Variants in EDIL3 observed in about 807,000 individuals in gnomAD.
EDIL3 encodes EGF like and discoidin domains 3.
A neutral mutation model predicts 67.4 loss-of-function variants in EDIL3; 37 were observed. That is an observed-to-expected ratio of 0.55 (90% CI 0.42 to 0.72). EDIL3 has a LOEUF of 0.72. EDIL3 is among the 30% of genes least tolerant of loss of function. EDIL3 has a pLI of 0.00. For missense variants in EDIL3, 527 were observed against 586.3 expected, an observed-to-expected ratio of 0.90 and a Z score of 1.04; for synonymous variants, 195 against 196.3, an observed-to-expected ratio of 0.99 and a Z score of 0.05.
At chr5:84,251,926 A>C (rs900948248) in intron 2 of EDIL3, among the ~76,000 whole-genome samples, 1 of 152,218 alleles carries the variant, frequency 6.6e-6, no homozygotes, top group South Asian at 2.1e-4. Flanking sequence ...GGGTTGTATG[A>C]AATGTATAAT....
intron 9 of EDIL3, among the ~76,000 whole-genome samples, chr5:84,034,361 G>T (rs1395875775): frequency 1.3e-5 from 2 of 152,078 alleles, no homozygotes; most frequent in African/African-American, 2.4e-5. Flanking sequence ...AGGATATGCT[G>T]TGTGTGATTT....
At chr5:84,265,558 C>T (rs1268836128) in intron 1 of EDIL3, among the ~76,000 whole-genome samples, 2 of 152,176 alleles carry the variant, frequency 1.3e-5, no homozygotes, top group African/African-American at 2.4e-5. Context: ...CCTTTTACAA[C>T]GTTTTCACAT....
At chr5:84,008,232 G>T (rs1276083782) in intron 9 of EDIL3, among the ~76,000 whole-genome samples, 4 of 151,786 alleles carry the variant, frequency 2.6e-5, no homozygotes, top group East Asian at 1.9e-4. Context: ...AGCACAACAG[G>T]GTGACTACAG....
intron 1 of EDIL3, among the ~76,000 whole-genome samples, chr5:84,260,238 A>C (rs543451546): frequency 6.6e-6 from 1 of 152,348 alleles, no homozygotes; most frequent in Admixed American, 6.5e-5. Context: ...TATTTATGAC[A>C]GACAGTGAAG....
intron 9 of EDIL3, among the ~76,000 whole-genome samples, chr5:83,967,558 G>A (rs541466198): frequency 6.6e-6 from 1 of 152,198 alleles, no homozygotes; most frequent in African/African-American, 2.4e-5. Flanking sequence ...AGTTCTGTGG[G>A]AATATAAACT....
chr5:84,076,846 G>T (rs938687718), intron 6 of EDIL3, among the ~76,000 whole-genome samples: 7 of 152,116 alleles, frequency 4.6e-5, no homozygotes, highest in African/African-American at 1.7e-4. Flanking sequence ...GTTCTTTGAA[G>T]TAAACATGAT....
chr5:84,118,541 C>T (rs894275598), intron 5 of EDIL3, among the ~76,000 whole-genome samples: 1 of 152,082 alleles, frequency 6.6e-6, no homozygotes, highest in Non-Finnish European at 1.5e-5. Flanking sequence ...ATCATTTTAT[C>T]AAAACTGTTC....
intron 10 of EDIL3, among the ~76,000 whole-genome samples, chr5:83,957,566 C>T (rs1554060702): frequency 6.6e-6 from 1 of 151,636 alleles, no homozygotes; most frequent in African/African-American, 2.4e-5. Context: ...CAATGCAGAC[C>T]ATGGCTGGCA....
At chr5:84,312,191 A>AC (rs1226807003) in intron 1 of EDIL3, among the ~76,000 whole-genome samples, 5 of 128,018 alleles carry the variant, frequency 3.9e-5, no homozygotes, top group African/African-American at 1.2e-4. Context: ...GCGGGGGCTG[A>AC]CCCCCCCACC....
intron 9 of EDIL3, among the ~76,000 whole-genome samples, chr5:84,013,549 G>A (rs1367688173): frequency 6.6e-6 from 1 of 152,076 alleles, no homozygotes; most frequent in Non-Finnish European, 1.5e-5. Context: ...AGTCATTTCG[G>A]AGAATATGAG....
chr5:84,384,857 TACAA>T lies in EDIL3; in HGVS notation c.-487_-484del, dbSNP rs1298314061. 2 of 152,308 alleles carry T rather than the reference TACAA, an allele frequency of 1.3e-5. No homozygotes were observed. Among genetic ancestry groups the T allele is most frequent in the Non-Finnish European group, 2.9e-5 (2 of 68,236 alleles). 9.4% of individuals were successfully genotyped at this position (152,308 alleles called of 1,614,324 possible). The stretch of plus-strand genomic sequence containing the variant: ...AGCGGGCCGCCGGGAGCGCACTGTG[TACAA>T]ACAGAGGCGGCGTGCGTGTGAGTCT... On this transcript the variant is annotated 5_prime_UTR_variant, in exon 1 of 11. Transcript: ENST00000296591.
chr5:83,959,544 CAT>C (rs1489347440), intron 10 of EDIL3, among the ~76,000 whole-genome samples: 8 of 150,964 alleles, frequency 5.3e-5, no homozygotes, highest in South Asian at 4.1e-4. Flanking sequence ...CTCACAGACA[CAT>C]GTTTTGCCCT....
intron 3 of EDIL3, among the ~76,000 whole-genome samples, chr5:84,219,777 A>C (rs1380686260): frequency 1.3e-5 from 2 of 152,250 alleles, no homozygotes; most frequent in Non-Finnish European, 2.9e-5. Flanking sequence ...AGTACTATTC[A>C]GTCATAAAAA....
At chr5:84,211,520 T>C (rs1211000395) in intron 3 of EDIL3, among the ~76,000 whole-genome samples, 10 of 152,164 alleles carry the variant, frequency 6.6e-5, no homozygotes, top group Admixed American at 6.5e-4. Flanking sequence ...GGGATCATCC[T>C]AGATTACCCA....
chr5:84,050,222 A>G (rs942379130), intron 9 of EDIL3, among the ~76,000 whole-genome samples: 2 of 141,132 alleles, frequency 1.4e-5, no homozygotes, highest in Non-Finnish European at 3.1e-5. Flanking sequence ...AAAAAAAAAA[A>G]TCACACAAGA....
intron 1 of EDIL3, among the ~76,000 whole-genome samples, chr5:84,373,336 C>T (rs1288425789): frequency 2.6e-5 from 4 of 152,126 alleles, no homozygotes; most frequent in Non-Finnish European, 5.9e-5. Flanking sequence ...CTTCTACCCT[C>T]CCTGAATCAT....
chr5:84,243,775 G>T (rs887898730), intron 2 of EDIL3, among the ~76,000 whole-genome samples: 20 of 152,048 alleles, frequency 1.3e-4, no homozygotes, highest in African/African-American at 4.6e-4. Context: ...ATAAAAAGAA[G>T]ATAACAATAA....
intron 2 of EDIL3, among the ~76,000 whole-genome samples, chr5:84,232,195 A>G (rs1450705715): frequency 3.3e-5 from 5 of 152,238 alleles, no homozygotes; most frequent in South Asian, 4.1e-4. Flanking sequence ...TCATGGGAGT[A>G]GTTATGCTCC....
intron 9 of EDIL3, among the ~76,000 whole-genome samples, chr5:83,965,315 AT>A (rs1347068031): frequency 6.6e-6 from 1 of 152,046 alleles, no homozygotes; most frequent in Non-Finnish European, 1.5e-5. Flanking sequence ...TTTATCATGA[AT>A]TTCTTCTCTG....
Sources: gnomAD v4.1 joint callset for allele counts (sites outside exome capture counted in the v4.1 genomes callset) on GRCh38, gnomAD v4.1.1 for gene constraint, MANE v1.5 for transcripts, NCBI Gene and HGNC (gene_info 2026-07-23, HGNC 2026-07-21) for gene names.